Variants in CCZ1 observed in about 807,000 individuals in gnomAD.
CCZ1 encodes the protein vacuolar fusion protein CCZ1 homolog.
CCZ1 carries 19 observed loss-of-function variants against 57.8 expected under a neutral mutation model. The observed-to-expected ratio is 0.33, with a 90% CI of 0.23 to 0.48. The LOEUF is 0.48. Ranked by LOEUF, CCZ1 falls within the 20% of genes least tolerant of loss-of-function variation. The pLI is 0.99. For synonymous variants in CCZ1, 81 were observed against 167.0 expected (o/e 0.49, Z 3.97); for missense variants, 200 against 492.0 (o/e 0.41, Z 5.61).
chr7:5,899,303 A>C (rs1201503910), intron 1 of CCZ1, among the ~76,000 whole-genome samples: 1 of 135,532 alleles, frequency 7.4e-6, no homozygotes, highest in Non-Finnish European at 1.6e-5. Context: ...GTTTTCGCCC[A>C]AATGAGGAAA....
chr7:5,900,729 A>G, intron 3 of CCZ1, 126 bp from the exon 4 acceptor site: 1 of 1,532,178 alleles, frequency 6.5e-7, no homozygotes, highest in Non-Finnish European at 8.8e-7. Flanking sequence ...TGCTTTATTC[A>G]TTCTTGGGGC....
At chr7:5,910,404 T>C (rs1781941601) in intron 8 of CCZ1, among the ~76,000 whole-genome samples, 1 of 149,492 alleles carries the variant, frequency 6.7e-6, no homozygotes, top group South Asian at 2.2e-4. Flanking sequence ...TCTCGAACTT[T>C]CGCCTGGGAT....
intron 10 of CCZ1, among the ~76,000 whole-genome samples, chr7:5,916,481 T>C (rs1391369008): frequency 8.6e-6 from 1 of 115,978 alleles, no homozygotes; most frequent in Non-Finnish European, 1.9e-5. Context: ...TGGTTTGGTT[T>C]TTTGGGTTTT....
chr7:5,900,768 G>A, intron 3 of CCZ1, 87 bp from the exon 4 acceptor site: 2 of 1,580,180 alleles, frequency 1.3e-6, no homozygotes. Flanking sequence ...TTCTGATGCT[G>A]TAGCATGTTC....
Position 5,900,304 on chromosome 7 carries a change from T to G in CCZ1, c.141T>G (p.Phe47Leu). ...REGQEENKIL[F>L]YHPNEVEKNE... ...TTCAGGAGGAAAATAAGATTTTATTTTATCATCCAAATGAGGTAGAAAAGA... is the reference window on the plus strand; with the variant it reads ...TTCAGGAGGAAAATAAGATTTTATTGTATCATCCAAATGAGGTAGAAAAGA... Residue 47 changes from phenylalanine (F) to leucine (L), a missense_variant, in exon 2 of 15, where the codon TTT becomes TTG. Coordinates refer to ENST00000325974, the MANE Select transcript of CCZ1 (RefSeq NM_015622.6). The G allele has an allele frequency of 6.5e-7, 1 of 1,538,458 alleles. No homozygotes were observed.
chr7:5,905,778 C>T (rs62453585), intron 7 of CCZ1, among the ~76,000 whole-genome samples: 39 of 40,532 alleles, frequency 9.6e-4, no homozygotes, highest in East Asian at 5.3e-3. Flanking sequence ...GAGACTCTGT[C>T]TCCAAAAAAA....
At position 5,912,927 on chromosome 7, in the gene CCZ1, T is replaced by C. The variant is rs775625750; in HGVS notation, c.927T>C (p.Tyr309=). 1.4e-5 allele frequency: 23 copies of C among 1,598,248 alleles called. No individual in the cohort carries two copies. In the East Asian group the frequency reaches 1.6e-4, roughly 11 times the overall value. The change falls in exon 10 of 15, where the codon TAT becomes TAC. Residue 309 remains tyrosine (Y), a synonymous_variant. Coordinates refer to ENST00000325974, the MANE Select transcript of CCZ1 (RefSeq NM_015622.6). ...TTTTTGTAAATACAGATGACACTTA[T>C]GAAGAGCTCCATTTAATCGTTTATA... ...PKIFVNTDDT[Y]EELHLIVYKA...
At chr7:5,906,525 G>T (rs1364909620) in intron 7 of CCZ1, among the ~76,000 whole-genome samples, 1 of 148,198 alleles carries the variant, frequency 6.7e-6, no homozygotes, top group Non-Finnish European at 1.5e-5. Flanking sequence ...GTTTTACCAT[G>T]TTGGCCAGGC....
chr7:5,910,976 T>C lies in CCZ1; in HGVS notation c.780+860T>C, dbSNP rs1041887625. Among the ~76,000 whole-genome samples the C allele has an allele frequency of 3.4e-5, 5 of 148,352 alleles. 2 individuals are homozygous for C. The East Asian group carries it at 6.8e-4, about 20-fold the overall frequency. On this transcript the variant is annotated intron_variant, in intron 8 of 14. Coordinates refer to ENST00000325974, the MANE Select transcript of CCZ1 (RefSeq NM_015622.6). ...GTCTCGAACTCCTGACCTCAGGTGA[T>C]TGACCCGCCACAGCCTTCCAAAGTG...
At chr7:5,899,917 C>T (rs1234831192) in intron 1 of CCZ1, among the ~76,000 whole-genome samples, 1 of 140,330 alleles carries the variant, frequency 7.1e-6, no homozygotes, top group Non-Finnish European at 1.5e-5. Context: ...AACCTAGAGA[C>T]TTGAGTTTTC....
intron 12 of CCZ1, among the ~76,000 whole-genome samples, chr7:5,920,823 G>A (rs62453625): frequency 0.12 from 12,035 of 96,670 alleles, 170 homozygotes; most frequent in South Asian, 0.22. Context: ...AAAGTGAGGC[G>A]ATGGAAAGCA....
chr7:5,921,164 C>CAA (rs1583192883), intron 12 of CCZ1, among the ~76,000 whole-genome samples: 1 of 129,680 alleles, frequency 7.7e-6, no homozygotes, highest in Admixed American at 7.7e-5. Flanking sequence ...CTCCTGACCT[C>CAA]GTGATCCACC....
At chr7:5,910,261 A>G (rs534081484) in intron 8 of CCZ1, 145 bp downstream of exon 8, 37 of 672,854 alleles carry the variant, frequency 5.5e-5, no homozygotes, top group Admixed American at 9.0e-5. Context: ...CTGTATATCA[A>G]TTAGCACAGA....
At chr7:5,923,300 GT>G in intron 12 of CCZ1, 86 bp from the exon 13 acceptor site, 1 of 123,224 alleles carries the variant, frequency 8.1e-6, no homozygotes, top group South Asian at 4.6e-5. Flanking sequence ...CTGGGCGACA[GT>G]AAGACTCCAT....
At chr7:5,920,739 T>A (rs1337009761) in intron 12 of CCZ1, among the ~76,000 whole-genome samples, 2 of 132,120 alleles carry the variant, frequency 1.5e-5, no homozygotes, top group African/African-American at 5.6e-5. Context: ...CCCAAAGTGC[T>A]GGGATTACAG....
intron 7 of CCZ1, among the ~76,000 whole-genome samples, chr7:5,909,149 C>CTG (rs1161434580): frequency 6.8e-6 from 1 of 146,410 alleles, no homozygotes; most frequent in African/African-American, 2.6e-5. Flanking sequence ...AAATACAGGA[C>CTG]TGTAGGAGTA....
At chr7:5,905,026 C>T in intron 6 of CCZ1, 68 bp from the exon 7 acceptor site, 1 of 1,237,144 alleles carries the variant, frequency 8.1e-7, no homozygotes, top group East Asian at 2.8e-5. Context: ...AGATTATTTT[C>T]AGTTATCAAG....
chr7:5,902,907 A>G (rs1781718200), intron 6 of CCZ1, among the ~76,000 whole-genome samples, 163 bp downstream of exon 6: 1 of 149,014 alleles, frequency 6.7e-6, no homozygotes, highest in African/African-American at 2.5e-5. Context: ...GAGGAAACGC[A>G]TGAGGCTTGT....
chr7:5,924,407 TTTC>T (rs1373751983), intron 14 of CCZ1, among the ~76,000 whole-genome samples: 4 of 92,644 alleles, frequency 4.3e-5, no homozygotes, highest in Non-Finnish European at 7.2e-5. Flanking sequence ...ACCCAGCTAA[TTTC>T]TTTTTTTTTT....
Sources: allele counts gnomAD v4.1 joint callset (sites outside exome capture counted in the v4.1 genomes callset), GRCh38; gene constraint gnomAD v4.1.1; transcripts MANE v1.5; gene names NCBI Gene and HGNC (gene_info 2026-07-23, HGNC 2026-07-21).